Variants in ETS1 observed in about 807,000 individuals in gnomAD.
ETS1 encodes ETS proto-oncogene 1, transcription factor.
Under a neutral mutation model 58.6 loss-of-function variants are expected in ETS1, and 15 were observed. The observed-to-expected ratio is 0.26, with a 90% confidence interval of 0.17 to 0.39. The LOEUF (loss-of-function observed/expected upper bound fraction) is 0.39, where lower values mean the gene tolerates loss of function less well. ETS1 is among the 10% of genes least tolerant of loss of function. The pLI is 1.00. For missense variants in ETS1, 417 were observed against 610.5 expected, an observed-to-expected ratio of 0.68 and a Z score of 3.34; for synonymous variants, 214 against 218.2, an observed-to-expected ratio of 0.98 and a Z score of 0.17.
intron 3 of ETS1, among the ~76,000 whole-genome samples, chr11:128,516,747 C>T (rs12291366): frequency 0.024 from 3,671 of 152,162 alleles, 152 homozygotes; most frequent in African/African-American, 0.084. Flanking sequence ...GGGGAAAAAA[C>T]GAAATTTATA....
intron 3 of ETS1, among the ~76,000 whole-genome samples, chr11:128,519,913 T>C (rs1361114636): frequency 6.6e-6 from 1 of 152,250 alleles, no homozygotes; most frequent in East Asian, 1.9e-4. Context: ...AGTTTTTGTC[T>C]TTATTTTTTC....
At chr11:128,543,228 T>G (rs1864082526) in intron 3 of ETS1, among the ~76,000 whole-genome samples, 1 of 152,094 alleles carries the variant, frequency 6.6e-6, no homozygotes, top group Non-Finnish European at 1.5e-5. Context: ...AAGAGGTATT[T>G]TTTTATAATA....
chr11:128,492,610 G>A (rs868084667), intron 3 of ETS1, among the ~76,000 whole-genome samples: 5 of 151,892 alleles, frequency 3.3e-5, no homozygotes, highest in Admixed American at 6.6e-5. Flanking sequence ...AGATTGTTAG[G>A]GGGAAGTAAT....
At chr11:128,515,600 G>C (rs1003800315) in intron 3 of ETS1, among the ~76,000 whole-genome samples, 2 of 152,108 alleles carry the variant, frequency 1.3e-5, no homozygotes, top group African/African-American at 2.4e-5. Context: ...TGTCTAACTC[G>C]GGTGGCCCTC....
intron 3 of ETS1, among the ~76,000 whole-genome samples, chr11:128,507,652 G>A (rs183982461): frequency 6.6e-6 from 1 of 152,266 alleles, no homozygotes; most frequent in South Asian, 2.1e-4. Flanking sequence ...CTAGAACTGC[G>A]ATGGCCATTT....
chr11:128,484,017 C>G (rs1053236452), intron 7 of ETS1, among the ~76,000 whole-genome samples: 1 of 152,150 alleles, frequency 6.6e-6, no homozygotes, highest in African/African-American at 2.4e-5. Flanking sequence ...TTCTCAGAAA[C>G]AAAACAATCT....
chr11:128,544,938 T>A (rs556876321), intron 3 of ETS1, among the ~76,000 whole-genome samples: 1 of 151,046 alleles, frequency 6.6e-6, no homozygotes, highest in South Asian at 2.1e-4. Flanking sequence ...GTGGGTAGCT[T>A]CAAGGGTATA....
At chr11:128,583,179 T>G (rs1864909704) in intron 1 of ETS1, among the ~76,000 whole-genome samples, 1 of 152,162 alleles carries the variant, frequency 6.6e-6, no homozygotes. Context: ...TGGACTAACT[T>G]GGTTGAACTC....
intron 3 of ETS1, among the ~76,000 whole-genome samples, chr11:128,555,180 C>T (rs947773076): frequency 6.6e-6 from 1 of 152,214 alleles, no homozygotes; most frequent in Admixed American, 6.5e-5. Context: ...AAGCTACTCC[C>T]CATGCCTCCT....
At chr11:128,556,189 G>A (rs1159196782) in intron 3 of ETS1, 102 bp downstream of exon 3, 38 of 1,036,036 alleles carry the variant, frequency 3.7e-5, no homozygotes, top group Non-Finnish European at 4.6e-5. Flanking sequence ...ATCTGTACCC[G>A]CATAAGCCAT....
intron 2 of ETS1, among the ~76,000 whole-genome samples, chr11:128,565,956 G>T (rs1864485886): frequency 6.6e-6 from 1 of 152,224 alleles, no homozygotes; most frequent in Non-Finnish European, 1.5e-5. Context: ...AGGCCTATGG[G>T]CTGGAAGTGA....
At chr11:128,577,239 G>C (rs557196818) in intron 1 of ETS1, among the ~76,000 whole-genome samples, 2 of 152,324 alleles carry the variant, frequency 1.3e-5, no homozygotes, top group East Asian at 3.9e-4. Context: ...AATCTGAATA[G>C]ATTGCAGGTC....
chr11:128,579,659 GAA>G (rs201475278), intron 1 of ETS1, among the ~76,000 whole-genome samples: 35 of 62,312 alleles, frequency 5.6e-4, no homozygotes, highest in African/African-American at 5.1e-4. Flanking sequence ...AAACTCCATT[GAA>G]AAAAAAAAAA....
At chr11:128,520,658 C>T (rs1357184412) in intron 3 of ETS1, among the ~76,000 whole-genome samples, 1 of 152,170 alleles carries the variant, frequency 6.6e-6, no homozygotes, top group African/African-American at 2.4e-5. Context: ...ATCATCCTTG[C>T]GAGGAGACAA....
intron 2 of ETS1, among the ~76,000 whole-genome samples, chr11:128,559,092 T>G (rs1269639260): frequency 1.3e-5 from 2 of 152,142 alleles, no homozygotes; most frequent in Non-Finnish European, 2.9e-5. Flanking sequence ...CCTCGTAAAG[T>G]GGTAGTAGGT....
chr11:128,463,848 T>C lies in ETS1; in HGVS notation c.1124-221A>G. 1 of 355,870 alleles carries C rather than the reference T, an allele frequency of 2.8e-6. No homozygotes were observed. The highest frequency in any genetic ancestry group is 4.4e-5 in the Admixed American group (1 of 22,740). 22.0% of individuals were successfully genotyped at this position (355,870 alleles called of 1,614,324 possible). A position where few individuals can be genotyped will look rare whatever the true frequency, so the allele number is the denominator to read the frequency against. On this transcript the variant is annotated intron_variant, in intron 8 of 9. Transcript: ENST00000392668. The surrounding 1 kb of genome is among the most constrained non-coding windows in gnomAD (Gnocchi z 4.1). ...AAACAAAAGCATGGAAGAAAATGTG[T>C]CAAGTGCTTTATTTTGATTAACTTA...
chr11:128,571,568 T>C (rs528796850), intron 2 of ETS1, among the ~76,000 whole-genome samples: 1 of 138,902 alleles, frequency 7.2e-6, no homozygotes, highest in South Asian at 2.5e-4. Context: ...GGTCTTTTAA[T>C]ATACAATTAC....
chr11:128,567,387 A>G (rs1488443288), intron 2 of ETS1, among the ~76,000 whole-genome samples: 1 of 152,222 alleles, frequency 6.6e-6, no homozygotes, highest in Non-Finnish European at 1.5e-5. Flanking sequence ...TGATTTCACA[A>G]TATTTTATTC....
At chr11:128,467,857 T>C (rs1017624729) in intron 8 of ETS1, among the ~76,000 whole-genome samples, 1 of 152,068 alleles carries the variant, frequency 6.6e-6, no homozygotes, top group African/African-American at 2.4e-5. Context: ...AGGAGGTCTC[T>C]TTCCAGAGCC....
Sources: allele counts gnomAD v4.1 joint callset (sites outside exome capture counted in the v4.1 genomes callset), GRCh38; gene constraint gnomAD v4.1.1; non-coding constraint Gnocchi (gnomAD v3.1); transcripts MANE v1.5; gene names NCBI Gene and HGNC (gene_info 2026-07-23, HGNC 2026-07-21).